The following MROH1 variants were observed in gnomAD, a reference collection of about 807,000 sequenced individuals.
MROH1 encodes the protein maestro heat-like repeat-containing protein family member 1.
A neutral mutation model predicts 116.5 loss-of-function variants in MROH1; 117 were observed. That is an observed-to-expected ratio of 1.00 (90% CI 0.86 to 1.17). MROH1 has a LOEUF of 1.17. MROH1 is among the 50% of genes most tolerant of loss of function. MROH1 has a pLI of 0.00. For missense variants in MROH1, 1,873 were observed against 1,338.5 expected, an observed-to-expected ratio of 1.40 and a Z score of -6.23; for synonymous variants, 921 against 583.9, an observed-to-expected ratio of 1.58 and a Z score of -8.32.
chr8:144,207,579 T>C lies in MROH1; in HGVS notation c.1141+7038T>C, dbSNP rs567915021. 2.0e-5 allele frequency among the ~76,000 whole-genome samples: 3 copies of C among 151,670 alleles called. No homozygotes were observed. In the South Asian group the frequency reaches 6.3e-4, roughly 32 times the overall value. On this transcript the variant is annotated intron_variant, in intron 12 of 43. Coordinates refer to ENST00000326134, the MANE Select transcript of MROH1 (RefSeq NM_032450.3). ...AGAGTGCAGTTCTGTGATCATAGCT[T>C]ACCACATCCTCGGCCTCCTGGGCTC... is the stretch of plus-strand genomic sequence containing the variant.
chr8:144,217,974 G>A (rs867770954), intron 12 of MROH1, among the ~76,000 whole-genome samples: 79 of 148,972 alleles, frequency 5.3e-4, no homozygotes, highest in African/African-American at 1.8e-3. Flanking sequence ...CTGCGTTAGC[G>A]GCCCAGGATC....
intron 12 of MROH1, among the ~76,000 whole-genome samples, chr8:144,210,298 C>T (rs1214084830): frequency 1.3e-5 from 2 of 151,872 alleles, no homozygotes; most frequent in African/African-American, 2.4e-5. Context: ...AATTAGCCAG[C>T]GTGGTGGCAG....
At chr8:144,208,242 C>T (rs1439196384) in intron 12 of MROH1, among the ~76,000 whole-genome samples, 1 of 152,214 alleles carries the variant, frequency 6.6e-6, no homozygotes, top group African/African-American at 2.4e-5. Flanking sequence ...CCACACCCGG[C>T]CTGCAAGGTT....
At chr8:144,181,570 T>G (rs1368869540) in intron 7 of MROH1, among the ~76,000 whole-genome samples, 1 of 152,192 alleles carries the variant, frequency 6.6e-6, no homozygotes, top group African/African-American at 2.4e-5. Flanking sequence ...CTTCACAGGC[T>G]CTTTCTCACC....
chr8:144,238,993 C>T (rs1162859567), intron 15 of MROH1, 42 bp from the exon 16 acceptor site: 7 of 774,404 alleles, frequency 9.0e-6, no homozygotes, highest in African/African-American at 1.7e-5. Flanking sequence ...TGCATGGGAC[C>T]GCCCTCTGGG....
intron 12 of MROH1, among the ~76,000 whole-genome samples, chr8:144,209,607 G>A (rs981146979): frequency 6.7e-6 from 1 of 149,210 alleles, no homozygotes; most frequent in Non-Finnish European, 1.5e-5. Context: ...AAGAAAAATC[G>A]TTAGTATAAA....
Position 144,253,639 on chromosome 8 carries a change from C to T in MROH1, c.3429-1174C>T, listed in dbSNP as rs920748194. On this transcript the variant is annotated intron_variant, in intron 33 of 43. Transcript: ENST00000326134. ...CCAGGTCATTTGCTCCCCACACTCACGCCCAGCCCTCTGCTGCTTGCCTTC... is the reference window on the plus strand; with the variant it reads ...CCAGGTCATTTGCTCCCCACACTCATGCCCAGCCCTCTGCTGCTTGCCTTC... 1.7e-3 allele frequency among the ~76,000 whole-genome samples: 261 copies of T among 152,184 alleles called. 1 individual carries two copies. The highest frequency in any genetic ancestry group is 5.7e-3 in the African/African-American group (236 of 41,534).
In MROH1 at chr8:144,220,631, C is replaced by A; in HGVS notation, c.1173C>A (p.Ile391=). ...AAQMEDKKPF[I]LSSMRLPLLD... ...AGATGGAAGATAAAAAGCCCTTTATCCTGTCTTCCATGAGGCTTCCTCTCC... is the reference window on the plus strand; with the variant it reads ...AGATGGAAGATAAAAAGCCCTTTATACTGTCTTCCATGAGGCTTCCTCTCC... Residue 391 remains isoleucine (I), a synonymous_variant, in exon 13 of 44, where the codon ATC becomes ATA. Transcript: ENST00000326134. 6.3e-7 allele frequency: 1 copy of A among 1,580,008 alleles called. No homozygotes were observed. Among genetic ancestry groups the A allele is most frequent in the East Asian group, 2.3e-5 (1 of 43,316 alleles).
In MROH1 at chr8:144,250,048, C is replaced by T. The variant is rs938495490; in HGVS notation, c.3274-164C>T. On this transcript the variant is annotated intron_variant, in intron 32 of 43. Coordinates refer to ENST00000326134, the MANE Select transcript of MROH1 (RefSeq NM_032450.3). ...CCAGTTCCTTGGCTTCTGGGCTGTC[C>T]GTGGCCCACGGGGGATCCTGGCCCT... Among the ~76,000 whole-genome samples the T allele has an allele frequency of 5.4e-4, 82 of 152,330 alleles. 1 individual carries two copies. The South Asian group carries it at 0.016, about 30-fold the overall frequency.
At chr8:144,210,122 A>G (rs1044551589) in intron 12 of MROH1, among the ~76,000 whole-genome samples, 3 of 151,470 alleles carry the variant, frequency 2.0e-5, no homozygotes, top group Non-Finnish European at 4.4e-5. Flanking sequence ...TCACTCCCTT[A>G]TGATTAGCTG....
rs1554834809 is a variant in MROH1, at chr8:144,259,990, C to T, written c.4124C>T (p.Thr1375Ile). Residue 1375 changes from threonine (T) to isoleucine (I), a missense_variant, in exon 38 of 44, where the codon ACA becomes ATA. Transcript: ENST00000326134. The stretch of plus-strand genomic sequence containing the variant: ...AGCCTGGCGGCTCGCCAGAAGGACA[C>T]ATGCGCCAGCGTGCGGAGGCTGGTG... Reference protein sequence around the residue: ...LESLAARQKDTCASVRRLVLR... With the variant: ...LESLAARQKDICASVRRLVLR... 1.4e-6 allele frequency: 1 copy of T among 736,544 alleles called. No individual in the cohort carries two copies. The highest frequency in any genetic ancestry group is 2.5e-6 in the Non-Finnish European group (1 of 398,776). The allele number at this position is 736,544 out of a possible 1,614,324, so 45.6% of individuals were successfully genotyped here. A position where few individuals can be genotyped will look rare whatever the true frequency, so the allele number is the denominator to read the frequency against.
Position 144,258,932 on chromosome 8 carries a change from A to G in MROH1, c.3929+18A>G. 1 of 724,796 alleles carries G rather than the reference A, an allele frequency of 1.4e-6. No homozygotes were observed. The highest frequency in any genetic ancestry group is 2.6e-6 in the Non-Finnish European group (1 of 389,970). The allele number at this position is 724,796 out of a possible 1,614,324, so 44.9% of individuals were successfully genotyped here. A position where few individuals can be genotyped will look rare whatever the true frequency, so the allele number is the denominator to read the frequency against. ...TTGGCCAGGTGAGCGGGCCCAGCCCACTGCAGCTCCAGCACTGGCTGGGCT... is the reference window on the plus strand; with the variant it reads ...TTGGCCAGGTGAGCGGGCCCAGCCCGCTGCAGCTCCAGCACTGGCTGGGCT... On this transcript the variant is annotated intron_variant, in intron 36 of 43. Transcript: ENST00000326134.
At chr8:144,176,077 C>T (rs988610423) in intron 4 of MROH1, among the ~76,000 whole-genome samples, 5 of 149,616 alleles carry the variant, frequency 3.3e-5, no homozygotes, top group South Asian at 2.1e-4. Flanking sequence ...AAATAACTAT[C>T]GAGGGCTGGG....
intron 35 of MROH1, 134 bp downstream of exon 35, chr8:144,255,839 G>A (rs1005544026): frequency 5.7e-5 from 36 of 636,594 alleles, no homozygotes; most frequent in East Asian, 8.2e-5. Context: ...CAGGGAGCTG[G>A]CGCCTCACCC....
At position 144,180,609 on chromosome 8, in the gene MROH1, T is replaced by A; in HGVS notation, c.562+86T>A. Reference sequence around the variant, plus strand: ...GCATGCCTGTTTTAGGGGGGACAGGTGGGCACTTTAGGCTGCAGGAAGGGG... The same window carrying A: ...GCATGCCTGTTTTAGGGGGGACAGGAGGGCACTTTAGGCTGCAGGAAGGGG... On this transcript the variant is annotated intron_variant, in intron 7 of 43. Coordinates refer to ENST00000326134, the MANE Select transcript of MROH1 (RefSeq NM_032450.3). The surrounding 1 kb of genome is among the most constrained non-coding windows in gnomAD (Gnocchi z 7.4). 1 of 1,298,232 alleles carries A rather than the reference T, an allele frequency of 7.7e-7. No individual in the cohort carries two copies. The highest frequency in any genetic ancestry group is 1.1e-6 in the Non-Finnish European group (1 of 940,418). The allele number at this position is 1,298,232 out of a possible 1,614,324, so 80.4% of individuals were successfully genotyped here. A position where few individuals can be genotyped will look rare whatever the true frequency, so the allele number is the denominator to read the frequency against.
At position 144,168,404 on chromosome 8, in the gene MROH1, C is replaced by G; in HGVS notation, c.132C>G (p.Leu44=). The change falls in exon 4 of 44, where the codon CTC becomes CTG. Residue 44 remains leucine, a synonymous_variant. Coordinates refer to ENST00000326134, the MANE Select transcript of MROH1 (RefSeq NM_032450.3). ...SLGEARPVET[L]RACEEYLRQH... ...GGGAGGCGCGGCCGGTGGAGACGCT[C>G]CGTGCCTGCGAGGAGTATCTGCGGC... 3 of 1,611,288 alleles carry G rather than the reference C, an allele frequency of 1.9e-6. No homozygotes were observed. The highest frequency in any genetic ancestry group is 1.7e-6 in the Non-Finnish European group (2 of 1,179,324).
At chr8:144,155,710 T>C (rs1240656725) in intron 1 of MROH1, among the ~76,000 whole-genome samples, 1 of 150,110 alleles carries the variant, frequency 6.7e-6, no homozygotes, top group Non-Finnish European at 1.5e-5. Flanking sequence ...CTCAGCTCAC[T>C]GCAACCCCTG....
chr8:144,239,713 C>T lies in MROH1; in HGVS notation c.1732C>T (p.His578Tyr). 1.4e-6 allele frequency: 1 copy of T among 725,088 alleles called. No individual in the cohort carries two copies. The highest frequency in any genetic ancestry group is 2.6e-6 in the Non-Finnish European group (1 of 389,336). 44.9% of individuals were successfully genotyped at this position (725,088 alleles called of 1,614,324 possible). Residue 578 changes from histidine (H) to tyrosine (Y), a missense_variant, in exon 18 of 44, where the codon CAT becomes TAT. His to Tyr is a moderately conservative substitution (Grantham distance 83). Transcript: ENST00000326134. ...HPNIHPLLGQ[H>Y]WETTVPLLLG... ...AAACATTCACCCTTTGCTGGGTCAG[C>T]ATTGGGAAACGACTGTCCCGCTGCT...
intron 12 of MROH1, among the ~76,000 whole-genome samples, chr8:144,202,544 C>T (rs1259141775): frequency 5.8e-4 from 69 of 118,142 alleles, no homozygotes; most frequent in African/African-American, 2.2e-3. Context: ...GGCAGCGCCC[C>T]GCTCTGTATG....
Sources: allele counts gnomAD v4.1 joint callset (sites outside exome capture counted in the v4.1 genomes callset), GRCh38; gene constraint gnomAD v4.1.1; non-coding constraint Gnocchi (gnomAD v3.1); transcripts MANE v1.5; gene names NCBI Gene and HGNC (gene_info 2026-07-23, HGNC 2026-07-21).